Variants in CDC73 observed in about 807,000 individuals in gnomAD.
The protein encoded by CDC73 is parafibromin.
CDC73 carries 21 observed loss-of-function variants against 83.7 expected under a neutral mutation model. The observed-to-expected ratio is 0.25, with a 90% confidence interval of 0.18 to 0.36. The LOEUF (loss-of-function observed/expected upper bound fraction) is 0.36. Ranked by LOEUF, CDC73 falls within the 10% of genes least tolerant of loss-of-function variation. The pLI is 1.00. For synonymous variants in CDC73, 224 were observed against 212.9 expected, an observed-to-expected ratio of 1.05 and a Z score of -0.45; for missense variants, 342 against 653.3, an observed-to-expected ratio of 0.52 and a Z score of 5.19.
chr1:193,197,804 C>T (rs1179334771), intron 10 of CDC73, among the ~76,000 whole-genome samples: 1 of 151,766 alleles, frequency 6.6e-6, no homozygotes, highest in Non-Finnish European at 1.5e-5. Context: ...TGCACGCCTG[C>T]ACTCCCAGCT....
chr1:193,171,643 TTC>T (rs933395135), intron 10 of CDC73, among the ~76,000 whole-genome samples: 4 of 152,160 alleles, frequency 2.6e-5, no homozygotes, highest in Non-Finnish European at 4.4e-5. Flanking sequence ...TCTGCTGTGT[TTC>T]TCTCTAACTC....
Position 193,181,193 on chromosome 1 carries a change from T to C in CDC73, c.973-22602T>C, listed in dbSNP as rs1676708617. ...TTTGGATGTCCAGTACCTTTTTCAT[T>C]GTAAATACTTCCATTGGCACTAAGT... On this transcript the variant is annotated intron_variant, in intron 10 of 16. Coordinates refer to ENST00000367435, the MANE Select transcript of CDC73 (RefSeq NM_024529.5). 4 of 1,613,806 alleles carry C rather than the reference T, an allele frequency of 2.5e-6. No individual in the cohort carries two copies. The South Asian group carries it at 4.4e-5, about 18-fold the overall frequency.
intron 1 of CDC73, among the ~76,000 whole-genome samples, chr1:193,124,588 A>G (rs1675530446): frequency 1.3e-5 from 2 of 152,222 alleles, no homozygotes; most frequent in African/African-American, 2.4e-5. Context: ...CAGGTAGAAT[A>G]GCATTTTGGT....
At chr1:193,240,501 T>C (rs1677838892) in intron 15 of CDC73, among the ~76,000 whole-genome samples, 1 of 152,210 alleles carries the variant, frequency 6.6e-6, no homozygotes, top group African/African-American at 2.4e-5. Context: ...CCCTTTTCTC[T>C]GCATCCTTGC....
At chr1:193,125,083 T>TA (rs752574809) in intron 1 of CDC73, 29 bp from the exon 2 acceptor site, 151 of 1,123,988 alleles carry the variant, frequency 1.3e-4, no homozygotes, top group African/African-American at 2.6e-4. Context: ...GAATTGTCAG[T>TA]AAAAAAAATC....
Position 193,253,016 on chromosome 1 carries a change from T to G in CDC73, c.*2304T>G, listed in dbSNP as rs144363422. ...GGAAATGAAGTATAAATTAATAACT[T>G]GACTTACCCCTCCATAAGTTACTGC... On this transcript the variant is annotated 3_prime_UTR_variant, in exon 17 of 17. Coordinates refer to ENST00000367435, the MANE Select transcript of CDC73 (RefSeq NM_024529.5). The G allele has an allele frequency of 5.6e-3, 1,305 of 232,042 alleles. 7 individuals carry two copies. Among genetic ancestry groups the G allele is most frequent in the South Asian group, 0.029 (162 of 5,524 alleles). 14.4% of individuals were successfully genotyped at this position (232,042 alleles called of 1,614,324 possible). A position where few individuals can be genotyped will look rare whatever the true frequency, so the allele number is the denominator to read the frequency against.
chr1:193,212,043 T>C, intron 11 of CDC73, 22 bp from the exon 12 acceptor site: 1 of 1,559,828 alleles, frequency 6.4e-7, no homozygotes, highest in Non-Finnish European at 8.8e-7. Flanking sequence ...CACAGAGTTG[T>C]GATTTTTTTT....
In CDC73 at chr1:193,173,975, A is replaced by G. The variant is rs553016299; in HGVS notation, c.972+21531A>G. 1.3e-4 allele frequency among the ~76,000 whole-genome samples: 20 copies of G among 152,188 alleles called. No individual in the cohort carries two copies. The South Asian group carries it at 3.9e-3, about 30-fold the overall frequency. On this transcript the variant is annotated intron_variant, in intron 10 of 16. Transcript: ENST00000367435. ...GTTGGTGACAAAGTTGTAACCATTT[A>G]TAATAATAATACTGTGGTTTATCTG...
chr1:193,246,039 G>T (rs1255637120), intron 15 of CDC73, among the ~76,000 whole-genome samples: 1 of 152,086 alleles, frequency 6.6e-6, no homozygotes, highest in Non-Finnish European at 1.5e-5. Context: ...TCCCCTGTCA[G>T]ATGAGTAATT....
At position 193,251,510 on chromosome 1, in the gene CDC73, T is replaced by C. The variant is rs1325655852; in HGVS notation, c.*798T>C. ...TATCAGCCCTATTGCAGTATAACTT[T>C]AAGCTCCTTTTCTCTTTAGTCCACT... On this transcript the variant is annotated 3_prime_UTR_variant, in exon 17 of 17. Coordinates refer to ENST00000367435, the MANE Select transcript of CDC73 (RefSeq NM_024529.5). 4.3e-6 allele frequency: 1 copy of C among 232,016 alleles called. No homozygotes were observed. The highest frequency in any genetic ancestry group is 2.2e-5 in the African/African-American group (1 of 45,288). 14.4% of individuals were successfully genotyped at this position (232,016 alleles called of 1,614,324 possible). A position where few individuals can be genotyped will look rare whatever the true frequency, so the allele number is the denominator to read the frequency against.
intron 2 of CDC73, among the ~76,000 whole-genome samples, chr1:193,128,576 A>G (rs1675628990): frequency 6.6e-6 from 1 of 152,136 alleles, no homozygotes; most frequent in African/African-American, 2.4e-5. Flanking sequence ...GAGTGTTAGG[A>G]TTACAGGCAT....
chr1:193,148,120 C>T (rs1676041513), intron 8 of CDC73, among the ~76,000 whole-genome samples, 155 bp downstream of exon 8: 1 of 152,190 alleles, frequency 6.6e-6, no homozygotes, highest in African/African-American at 2.4e-5. Flanking sequence ...CCCTCCCCAA[C>T]ATTAAAAGTT....
chr1:193,191,533 G>A (rs1298813661), intron 10 of CDC73, among the ~76,000 whole-genome samples: 6 of 152,072 alleles, frequency 3.9e-5, no homozygotes, highest in South Asian at 2.1e-4. Flanking sequence ...GATTACAGGC[G>A]TGTGCCACCA....
At chr1:193,166,360 G>A (rs955217547) in intron 10 of CDC73, among the ~76,000 whole-genome samples, 6 of 152,086 alleles carry the variant, frequency 3.9e-5, no homozygotes, top group Non-Finnish European at 1.5e-5. Context: ...TCACTGTGTT[G>A]CCCGGGCTGG....
At chr1:193,234,685 A>G (rs116594941) in intron 14 of CDC73, among the ~76,000 whole-genome samples, 1,864 of 152,126 alleles carry the variant, frequency 0.012, 19 homozygotes, top group South Asian at 0.034. Flanking sequence ...TGCTGATGCT[A>G]TGAGACCCAG....
rs1678085367 is a variant in CDC73, at chr1:193,253,767, G to A, written c.*3055G>A. The A allele has an allele frequency of 4.3e-6, 1 of 230,544 alleles. No individual in the cohort carries two copies. Among genetic ancestry groups the A allele is most frequent in the Non-Finnish European group, 8.6e-6 (1 of 116,510 alleles). 14.3% of individuals were successfully genotyped at this position (230,544 alleles called of 1,614,324 possible). ...AGACAAATACAGTTTGCTTATGAAA[G>A]GAAAGTGGCATACTTTTAAATTGGT... On this transcript the variant is annotated 3_prime_UTR_variant, in exon 17 of 17. Coordinates refer to ENST00000367435, the MANE Select transcript of CDC73 (RefSeq NM_024529.5).
intron 10 of CDC73, among the ~76,000 whole-genome samples, chr1:193,194,808 A>T (rs926431385): frequency 2.0e-5 from 3 of 151,980 alleles, no homozygotes; most frequent in African/African-American, 7.2e-5. Context: ...GATTTGTATC[A>T]CCTTTTATCT....
At chr1:193,239,038 A>G (rs1268327334) in intron 15 of CDC73, among the ~76,000 whole-genome samples, 1 of 152,216 alleles carries the variant, frequency 6.6e-6, no homozygotes, top group Non-Finnish European at 1.5e-5. Context: ...AAGATCTCAT[A>G]GCTTTCAATT....
At chr1:193,189,250 A>C (rs2096353) in intron 10 of CDC73, among the ~76,000 whole-genome samples, 1 of 152,160 alleles carries the variant, frequency 6.6e-6, no homozygotes, top group Non-Finnish European at 1.5e-5. Flanking sequence ...CACAGTGCCC[A>C]GCCAACCTGT....
Sources: gnomAD v4.1 joint callset for allele counts (sites outside exome capture counted in the v4.1 genomes callset) on GRCh38, gnomAD v4.1.1 for gene constraint, MANE v1.5 for transcripts, NCBI Gene and HGNC (gene_info 2026-07-23, HGNC 2026-07-21) for gene names.